GALNT13: variants seen among roughly 807,000 people sequenced by gnomAD.
The protein encoded by GALNT13 is polypeptide N-acetylgalactosaminyltransferase 13.
GALNT13 carries 28 observed loss-of-function variants against 64.2 expected under a neutral mutation model. The observed-to-expected ratio is 0.44, with a 90% CI of 0.32 to 0.60. The LOEUF (loss-of-function observed/expected upper bound fraction) is 0.60. Among genes scored for constraint, GALNT13 ranks in the 20% least tolerant of loss-of-function variants. The pLI, the probability that GALNT13 is intolerant of heterozygous loss-of-function variation, is 0.05. For missense variants in GALNT13, 577 were observed against 669.8 expected, an observed-to-expected ratio of 0.86 and a Z score of 1.53; for synonymous variants, 214 against 224.6, an observed-to-expected ratio of 0.95 and a Z score of 0.42.
intron 3 of GALNT13, among the ~76,000 whole-genome samples, chr2:154,074,588 G>T (rs72870312): frequency 0.19 from 28,210 of 151,656 alleles, 3,307 homozygotes; most frequent in Non-Finnish European, 0.26. Context: ...TTCATTCTAT[G>T]AGGCCAGCAT....
chr2:153,293,500 A>G, the GALNT13 span, among the ~76,000 whole-genome samples: 19 of 152,182 alleles, frequency 1.2e-4, no homozygotes, highest in Non-Finnish European at 2.9e-5. Flanking sequence ...GGACAAGGCA[A>G]GAAAACCAAT....
chr2:153,934,574 C>T (rs1486717357), intron 2 of GALNT13, among the ~76,000 whole-genome samples: 1 of 152,132 alleles, frequency 6.6e-6, no homozygotes, highest in African/African-American at 2.4e-5. Context: ...TGCAGTTTGT[C>T]ACATATTGGT....
At chr2:153,637,940 C>A in the GALNT13 span, among the ~76,000 whole-genome samples, 2 of 150,610 alleles carry the variant, frequency 1.3e-5, no homozygotes, top group African/African-American at 5.0e-5. Context: ...AAGTACCAGG[C>A]ATGGAAAATA....
chr2:153,691,427 T>C, the GALNT13 span, among the ~76,000 whole-genome samples: 1 of 152,172 alleles, frequency 6.6e-6, no homozygotes, highest in Non-Finnish European at 1.5e-5. Flanking sequence ...TGTATGCTCC[T>C]TTCCCTATGC....
chr2:153,438,936 C>G, the GALNT13 span, among the ~76,000 whole-genome samples: 4 of 151,968 alleles, frequency 2.6e-5, no homozygotes, highest in Non-Finnish European at 5.9e-5. Flanking sequence ...CTGTTTTTTC[C>G]CCATCTTTGT....
the GALNT13 span, among the ~76,000 whole-genome samples, chr2:153,764,722 C>A: frequency 4.6e-5 from 7 of 152,324 alleles, no homozygotes; most frequent in East Asian, 9.7e-4. Context: ...TGTCAGAGAC[C>A]TTCATCTGCA....
At chr2:153,805,961 A>G in the GALNT13 span, among the ~76,000 whole-genome samples, 1 of 152,038 alleles carries the variant, frequency 6.6e-6, no homozygotes, top group African/African-American at 2.4e-5. Context: ...CATATATAAT[A>G]TAGTGTGTGT....
the GALNT13 span, among the ~76,000 whole-genome samples, chr2:153,258,648 G>GTT: frequency 0.025 from 3,817 of 151,440 alleles, 159 homozygotes; most frequent in African/African-American, 0.087. Context: ...GATTTAATAT[G>GTT]TTTTTTTTCC....
chr2:153,393,428 A>T, the GALNT13 span, among the ~76,000 whole-genome samples: 1 of 152,066 alleles, frequency 6.6e-6, no homozygotes, highest in Admixed American at 6.6e-5. Context: ...CTTCCTAAGA[A>T]CTTAGGTTAT....
the GALNT13 span, among the ~76,000 whole-genome samples, chr2:153,544,908 T>G: frequency 6.6e-6 from 1 of 152,170 alleles, no homozygotes; most frequent in Non-Finnish European, 1.5e-5. Context: ...ACAGATAGAA[T>G]GCAAACATTG....
chr2:154,130,900 GTCCTCT>G (rs1682573226), intron 3 of GALNT13, among the ~76,000 whole-genome samples: 1 of 152,100 alleles, frequency 6.6e-6, no homozygotes, highest in African/African-American at 2.4e-5. Flanking sequence ...TACTTGAGAT[GTCCTCT>G]TCCAAAGGGC....
chr2:154,185,544 T>A (rs1257916577), intron 4 of GALNT13, among the ~76,000 whole-genome samples: 1 of 151,940 alleles, frequency 6.6e-6, no homozygotes, highest in Non-Finnish European at 1.5e-5. Flanking sequence ...TTTTTTATTG[T>A]TTTTACTTTT....
At chr2:153,534,958 T>G in the GALNT13 span, among the ~76,000 whole-genome samples, 1 of 151,688 alleles carries the variant, frequency 6.6e-6, no homozygotes. Context: ...CATTCCTGAC[T>G]TTTTATATTA....
chr2:154,249,465 T>G (rs1689956585), intron 7 of GALNT13, among the ~76,000 whole-genome samples: 2 of 152,302 alleles, frequency 1.3e-5, no homozygotes, highest in Non-Finnish European at 2.9e-5. Flanking sequence ...TCTTATTGAT[T>G]GCTTTAGTCT....
At chr2:153,595,499 T>G in the GALNT13 span, among the ~76,000 whole-genome samples, 1 of 151,958 alleles carries the variant, frequency 6.6e-6, no homozygotes, top group African/African-American at 2.4e-5. Flanking sequence ...TCTTTAAAAA[T>G]TTGTTAAATC....
At chr2:153,154,004 G>A in the GALNT13 span, among the ~76,000 whole-genome samples, 19 of 149,622 alleles carry the variant, frequency 1.3e-4, no homozygotes, top group African/African-American at 4.4e-4. Context: ...GCCATTTCAT[G>A]ATATTGATTA....
At chr2:154,058,874 G>A (rs1222354053) in intron 3 of GALNT13, among the ~76,000 whole-genome samples, 3 of 152,186 alleles carry the variant, frequency 2.0e-5, no homozygotes, top group Non-Finnish European at 2.9e-5. Context: ...GTAATGTAGT[G>A]AAGGGATTTG....
intron 4 of GALNT13, 73 bp from the exon 5 acceptor site, chr2:154,241,957 T>C (rs1457771933): frequency 2.3e-6 from 2 of 885,102 alleles, no homozygotes; most frequent in South Asian, 2.3e-5. Flanking sequence ...TGTGTTATTA[T>C]GGATATTTCT....
At chr2:153,409,156 G>A in the GALNT13 span, among the ~76,000 whole-genome samples, 1 of 151,904 alleles carries the variant, frequency 6.6e-6, no homozygotes, top group Non-Finnish European at 1.5e-5. Flanking sequence ...TACTTTTGAG[G>A]TGTTGGGACT....
Sources: gnomAD v4.1 joint callset for allele counts (sites outside exome capture counted in the v4.1 genomes callset) on GRCh38, gnomAD v4.1.1 for gene constraint, MANE v1.5 for transcripts, NCBI Gene and HGNC (gene_info 2026-07-23, HGNC 2026-07-21) for gene names.